The following SPOCK1 variants were observed in gnomAD, a reference collection of about 807,000 sequenced individuals.
SPOCK1 encodes the protein SPARC (osteonectin), cwcv and kazal like domains proteoglycan 1.
In SPOCK1, 23 loss-of-function variants were observed where a neutral mutation model predicts 55.3. That is an observed-to-expected ratio of 0.42 (90% CI 0.30 to 0.59). The LOEUF (loss-of-function observed/expected upper bound fraction) is 0.59. Among genes scored for constraint, SPOCK1 ranks in the 20% least tolerant of loss-of-function variants. SPOCK1 has a pLI of 0.22. For synonymous variants in SPOCK1, 226 were observed against 221.0 expected (o/e 1.02, Z -0.20); for missense variants, 499 against 552.5 (o/e 0.90, Z 0.97).
At chr5:137,101,887 C>G (rs1490773715) in intron 5 of SPOCK1, among the ~76,000 whole-genome samples, 4 of 152,190 alleles carry the variant, frequency 2.6e-5, no homozygotes, top group Non-Finnish European at 5.9e-5. Context: ...TAAAATGACA[C>G]TAGATCACAT....
intron 2 of SPOCK1, among the ~76,000 whole-genome samples, chr5:137,440,424 G>C (rs1752974799): frequency 6.6e-6 from 1 of 152,158 alleles, no homozygotes; most frequent in Non-Finnish European, 1.5e-5. Context: ...GTTAGCTTTG[G>C]AGGGATGTTC....
intron 2 of SPOCK1, among the ~76,000 whole-genome samples, chr5:137,332,364 T>C (rs756944562): frequency 6.6e-6 from 1 of 152,158 alleles, no homozygotes; most frequent in Non-Finnish European, 1.5e-5. Flanking sequence ...TTTTCCTGCT[T>C]AGGTTCATCG....
chr5:137,099,855 G>A (rs1461361463), intron 5 of SPOCK1, among the ~76,000 whole-genome samples: 1 of 152,120 alleles, frequency 6.6e-6, no homozygotes, highest in African/African-American at 2.4e-5. Flanking sequence ...TTATTGCATT[G>A]AAGCATGCAG....
intron 6 of SPOCK1, among the ~76,000 whole-genome samples, chr5:137,024,685 T>C (rs1346953458): frequency 6.6e-6 from 1 of 151,878 alleles, no homozygotes; most frequent in Non-Finnish European, 1.5e-5. Flanking sequence ...ACTGATCTCA[T>C]GATATGTCAG....
chr5:137,417,077 G>C (rs978874694), intron 2 of SPOCK1, among the ~76,000 whole-genome samples: 3 of 152,022 alleles, frequency 2.0e-5, no homozygotes, highest in African/African-American at 7.2e-5. Flanking sequence ...ATGTGTACAT[G>C]AATGTTTATA....
At chr5:137,274,702 C>A (rs956313668) in intron 2 of SPOCK1, among the ~76,000 whole-genome samples, 1 of 152,070 alleles carries the variant, frequency 6.6e-6, no homozygotes, top group South Asian at 2.1e-4. Context: ...TGAAGGGAGA[C>A]CAATTGCAAC....
At chr5:137,261,273 C>G (rs1756737409) in intron 3 of SPOCK1, among the ~76,000 whole-genome samples, 1 of 152,144 alleles carries the variant, frequency 6.6e-6, no homozygotes, top group South Asian at 2.1e-4. Context: ...GGAAAACTCC[C>G]CTTCTATGGA....
chr5:137,417,228 C>T (rs1366553241), intron 2 of SPOCK1, among the ~76,000 whole-genome samples: 1 of 151,130 alleles, frequency 6.6e-6, no homozygotes, highest in East Asian at 1.9e-4. Flanking sequence ...CTTTTTGAGT[C>T]CTATCTAAAA....
chr5:137,425,581 C>T (rs1580920272), intron 2 of SPOCK1, among the ~76,000 whole-genome samples: 1 of 152,194 alleles, frequency 6.6e-6, no homozygotes, highest in Non-Finnish European at 1.5e-5. Context: ...TCTGTGTTTG[C>T]ACGCCAGTGT....
intron 2 of SPOCK1, among the ~76,000 whole-genome samples, chr5:137,296,862 T>C (rs1407136716): frequency 1.3e-5 from 2 of 152,118 alleles, no homozygotes; most frequent in African/African-American, 4.8e-5. Flanking sequence ...ACAGCAGGCT[T>C]CCTGAGACCA....
intron 6 of SPOCK1, among the ~76,000 whole-genome samples, chr5:137,028,075 C>A (rs1456237700): frequency 6.6e-6 from 1 of 152,188 alleles, no homozygotes; most frequent in Admixed American, 6.5e-5. Context: ...CCTTGGGGTA[C>A]CCACACCTCT....
chr5:137,126,266 T>G (rs1753781086), intron 4 of SPOCK1, among the ~76,000 whole-genome samples: 4 of 152,212 alleles, frequency 2.6e-5, no homozygotes, highest in African/African-American at 9.6e-5. Context: ...CCTTCCACCA[T>G]GAGTGGATGC....
chr5:137,331,870 A>T (rs1037051792), intron 2 of SPOCK1, among the ~76,000 whole-genome samples: 2 of 152,160 alleles, frequency 1.3e-5, no homozygotes, highest in Non-Finnish European at 2.9e-5. Context: ...CTGCCGCAGC[A>T]CATCCCAGGC....
intron 2 of SPOCK1, among the ~76,000 whole-genome samples, chr5:137,393,859 C>CA (rs1751782869): frequency 6.6e-6 from 1 of 152,144 alleles, no homozygotes; most frequent in Non-Finnish European, 1.5e-5. Context: ...CATGAAAGTG[C>CA]ATGCATCCAC....
intron 3 of SPOCK1, among the ~76,000 whole-genome samples, chr5:137,192,910 A>G (rs1755211744): frequency 1.3e-5 from 2 of 152,168 alleles, no homozygotes; most frequent in East Asian, 3.9e-4. Flanking sequence ...AAAAATACCA[A>G]ATTCAGAATT....
At chr5:137,051,295 C>T (rs2348183) in intron 6 of SPOCK1, among the ~76,000 whole-genome samples, 129,336 of 152,220 alleles carry the variant, frequency 0.85, 55,783 homozygotes, top group South Asian at 0.94. Flanking sequence ...AAAATCTTTC[C>T]CAAACATGAG....
chr5:137,441,354 C>T (rs746879500), intron 2 of SPOCK1, among the ~76,000 whole-genome samples: 53 of 152,328 alleles, frequency 3.5e-4, no homozygotes, highest in Admixed American at 2.6e-3. Context: ...CAAGACCTAG[C>T]CAAGGAAATC....
At chr5:137,329,355 AATCT>A (rs1758131359) in intron 2 of SPOCK1, among the ~76,000 whole-genome samples, 1 of 151,810 alleles carries the variant, frequency 6.6e-6, no homozygotes, top group Non-Finnish European at 1.5e-5. Context: ...CCTTATAATA[AATCT>A]ATTTATATAT....
At chr5:137,389,222 G>A (rs192999370) in intron 2 of SPOCK1, among the ~76,000 whole-genome samples, 2 of 152,316 alleles carry the variant, frequency 1.3e-5, no homozygotes, top group East Asian at 1.9e-4. Context: ...ACTACCAGAA[G>A]GGCCAAGAGC....
Sources: gnomAD v4.1 joint callset for allele counts (sites outside exome capture counted in the v4.1 genomes callset) on GRCh38, gnomAD v4.1.1 for gene constraint, MANE v1.5 for transcripts, NCBI Gene and HGNC (gene_info 2026-07-23, HGNC 2026-07-21) for gene names.